The following CCDC60 variants were observed in gnomAD, a reference collection of about 807,000 sequenced individuals.
CCDC60 encodes coiled-coil domain-containing protein 60.
Under a neutral mutation model 63.5 loss-of-function variants are expected in CCDC60, and 54 were observed. That is an observed-to-expected ratio of 0.85 (90% CI 0.68 to 1.07). CCDC60 has a LOEUF of 1.07. Ranked by LOEUF, CCDC60 falls within the 50% of genes least tolerant of loss-of-function variation. The pLI, the probability that CCDC60 is intolerant of heterozygous loss-of-function variation, is 0.00. For synonymous variants in CCDC60, 206 were observed against 238.8 expected, an observed-to-expected ratio of 0.86 and a Z score of 1.27; for missense variants, 651 against 684.3, an observed-to-expected ratio of 0.95 and a Z score of 0.54.
intron 2 of CCDC60, among the ~76,000 whole-genome samples, chr12:119,455,765 G>GA (rs1164226816): frequency 3.9e-5 from 5 of 129,792 alleles, no homozygotes; most frequent in African/African-American, 1.5e-4. Flanking sequence ...GAAAAGAAAA[G>GA]AAAGAAAGAG....
chr12:119,520,120 G>T lies in CCDC60; in HGVS notation c.969-1G>T. On this transcript the variant is annotated splice_acceptor_variant, in intron 8 of 13. Transcript: ENST00000327554. LOFTEE classifies it high-confidence loss of function. ...GTTAAAGGACTCATTTTGCCTTGCA[G>T]CATCTTGTCAGTGCTGAAACAAAAC... is the stretch of plus-strand genomic sequence containing the variant. 1 of 1,613,472 alleles carries T rather than the reference G, an allele frequency of 6.2e-7. No individual in the cohort carries two copies. The highest frequency in any genetic ancestry group is 8.5e-7 in the Non-Finnish European group (1 of 1,179,736).
chr12:119,346,832 CTTT>C (rs71451838), intron 1 of CCDC60, among the ~76,000 whole-genome samples: 1 of 91,062 alleles, frequency 1.1e-5, no homozygotes. Flanking sequence ...TTCTTTCTTT[CTTT>C]TTTTTTTGAG....
chr12:119,354,035 T>C (rs1297917914), intron 1 of CCDC60, among the ~76,000 whole-genome samples: 2 of 150,152 alleles, frequency 1.3e-5, no homozygotes, highest in Non-Finnish European at 3.0e-5. Context: ...TTTCTAGCTA[T>C]CTGCTCTCTC....
Position 119,479,160 on chromosome 12 carries a change from C to T in CCDC60, c.408C>T (p.Ile136=), listed in dbSNP as rs762470910. The change falls in exon 4 of 14, where the codon ATC becomes ATT. Residue 136 remains isoleucine, a synonymous_variant. Coordinates refer to ENST00000327554, the MANE Select transcript of CCDC60 (RefSeq NM_178499.5). ...ARVTRRPFTP[I]HSCIISPSLT... ...TCACACGTCGCCCATTCACTCCCAT[C>T]CACAGCTGCATCATTTCTCCCTCGC... The T allele has an allele frequency of 6.2e-7, 1 of 1,613,912 alleles. No individual in the cohort carries two copies. The highest frequency in any genetic ancestry group is 1.3e-5 in the African/African-American group (1 of 74,930).
At chr12:119,484,674 C>T (rs1370629992) in intron 4 of CCDC60, among the ~76,000 whole-genome samples, 1 of 151,906 alleles carries the variant, frequency 6.6e-6, no homozygotes, top group African/African-American at 2.4e-5. Flanking sequence ...AATCACGCCA[C>T]CGCACTCCAT....
chr12:119,530,461 TAC>T (rs1003964769), intron 12 of CCDC60, among the ~76,000 whole-genome samples: 2 of 151,494 alleles, frequency 1.3e-5, no homozygotes, highest in African/African-American at 4.9e-5. Flanking sequence ...AGATAGAAAA[TAC>T]ACACACACAC....
In CCDC60 at chr12:119,410,197, G is replaced by GTC. The variant is rs1555237243; in HGVS notation, c.91-18485_91-18484insCT. Reference sequence around the variant, plus strand: ...TGTTGGAAAGAGTGTGTGTGTGTGTGTGTCTGTGTGTGTGTGTGTGTGTGG... The same window carrying GTC: ...TGTTGGAAAGAGTGTGTGTGTGTGTGTCTGTCTGTGTGTGTGTGTGTGTGTGG... On this transcript the variant is annotated intron_variant, in intron 1 of 13. Coordinates refer to ENST00000327554, the MANE Select transcript of CCDC60 (RefSeq NM_178499.5). This position sits in a 1 kb window ranked among gnomAD's most constrained non-coding sequence, Gnocchi z 4.0. 4.7e-5 allele frequency among the ~76,000 whole-genome samples: 7 copies of GTC among 149,558 alleles called. No individual in the cohort carries two copies. The highest frequency in any genetic ancestry group is 1.7e-4 in the African/African-American group (7 of 40,010).
intron 3 of CCDC60, among the ~76,000 whole-genome samples, chr12:119,477,441 A>G (rs547455046): frequency 6.6e-6 from 1 of 152,316 alleles, no homozygotes; most frequent in Admixed American, 6.5e-5. Flanking sequence ...TTCTATTGGA[A>G]CACTTATCAC....
At chr12:119,354,580 C>T (rs77573337) in intron 1 of CCDC60, among the ~76,000 whole-genome samples, 2,496 of 152,266 alleles carry the variant, frequency 0.016, 64 homozygotes, top group African/African-American at 0.057. Flanking sequence ...TCTGCTTTAG[C>T]AAAGAAACGG....
chr12:119,438,911 C>T (rs905208603), intron 2 of CCDC60, among the ~76,000 whole-genome samples: 1 of 151,934 alleles, frequency 6.6e-6, no homozygotes, highest in Non-Finnish European at 1.5e-5. Flanking sequence ...CATAAAAACC[C>T]CCGTTCTGCT....
intron 6 of CCDC60, among the ~76,000 whole-genome samples, chr12:119,503,742 T>A (rs1178925424): frequency 2.0e-5 from 3 of 152,176 alleles, no homozygotes; most frequent in Admixed American, 6.5e-5. Flanking sequence ...AGGTAGCCAT[T>A]CAAAATATTG....
At chr12:119,438,915 T>A (rs2136253135) in intron 2 of CCDC60, among the ~76,000 whole-genome samples, 1 of 152,158 alleles carries the variant, frequency 6.6e-6, no homozygotes, top group East Asian at 1.9e-4. Flanking sequence ...AAAACCCCCG[T>A]TCTGCTTCCC....
At chr12:119,370,307 G>A (rs756843102) in intron 1 of CCDC60, among the ~76,000 whole-genome samples, 23 of 152,208 alleles carry the variant, frequency 1.5e-4, no homozygotes, top group Non-Finnish European at 3.1e-4. Context: ...GGCAGACAGT[G>A]CGCCCCGTGG....
intron 2 of CCDC60, among the ~76,000 whole-genome samples, chr12:119,464,832 A>G (rs1422521277): frequency 6.6e-6 from 1 of 152,232 alleles, no homozygotes; most frequent in African/African-American, 2.4e-5. Context: ...CAACTCTGGC[A>G]AAATATTACA....
intron 2 of CCDC60, among the ~76,000 whole-genome samples, chr12:119,469,937 C>G (rs184077102): frequency 1.3e-5 from 2 of 152,344 alleles, no homozygotes; most frequent in African/African-American, 4.8e-5. Flanking sequence ...AAAACTCAGA[C>G]ATTTGCAGAT....
intron 1 of CCDC60, among the ~76,000 whole-genome samples, chr12:119,338,390 A>C (rs945082299): frequency 6.6e-6 from 1 of 151,746 alleles, no homozygotes; most frequent in Non-Finnish European, 1.5e-5. Context: ...AACTCAAAAA[A>C]CTCTTAAGTG....
intron 2 of CCDC60, among the ~76,000 whole-genome samples, chr12:119,445,449 A>G (rs1167163608): frequency 6.7e-6 from 1 of 148,296 alleles, no homozygotes. Flanking sequence ...AAAAAAAAAA[A>G]AAAAAAAGGA....
intron 2 of CCDC60, among the ~76,000 whole-genome samples, chr12:119,446,690 C>T (rs1219031690): frequency 7.6e-6 from 1 of 131,864 alleles, no homozygotes; most frequent in Admixed American, 7.6e-5. Flanking sequence ...CTGGATATAG[C>T]TTTAAAAGCT....
At chr12:119,391,544 C>A (rs555724859) in intron 1 of CCDC60, among the ~76,000 whole-genome samples, 11 of 152,336 alleles carry the variant, frequency 7.2e-5, no homozygotes, top group Admixed American at 5.2e-4. Flanking sequence ...TCTGCCTCTG[C>A]ACAATGACAG....
Sources: allele counts gnomAD v4.1 joint callset (sites outside exome capture counted in the v4.1 genomes callset), GRCh38; gene constraint gnomAD v4.1.1; non-coding constraint Gnocchi (gnomAD v3.1); transcripts MANE v1.5; gene names NCBI Gene and HGNC (gene_info 2026-07-23, HGNC 2026-07-21).